Variants in PNPLA2 observed in about 807,000 individuals in gnomAD.
PNPLA2 encodes patatin-like phospholipase domain-containing protein 2.
A neutral mutation model predicts 39.7 loss-of-function variants in PNPLA2; 28 were observed. The ratio of observed to expected loss-of-function variants is 0.70; its 90% confidence interval spans 0.52 to 0.97. PNPLA2 has a LOEUF of 0.97. PNPLA2 is among the 50% of genes least tolerant of loss of function. The pLI, the probability that PNPLA2 is intolerant of heterozygous loss-of-function variation, is 0.00. For missense variants in PNPLA2, 768 were observed against 698.2 expected (o/e 1.10, Z -1.13); for synonymous variants, 392 against 321.1 (o/e 1.22, Z -2.36).
At chr11:820,512 G>T (rs950203271) in intron 2 of PNPLA2, among the ~76,000 whole-genome samples, 1 of 152,222 alleles carries the variant, frequency 6.6e-6, no homozygotes, top group African/African-American at 2.4e-5. Context: ...GGGTGAGGGT[G>T]CTTCTGGGCT....
chr11:824,743 G>C lies in PNPLA2; in HGVS notation c.1396G>C (p.Asp466His), dbSNP rs1166778655. The C allele has an allele frequency of 1.3e-6, 2 of 1,575,480 alleles. No homozygotes were observed. The highest frequency in any genetic ancestry group is 1.7e-6 in the Non-Finnish European group (2 of 1,168,476). Residue 466 changes from aspartate (D) to histidine (H), a missense_variant, in exon 10 of 10, where the codon GAC (aspartate) becomes CAC (histidine). By Grantham distance (81) the Asp-to-His change is moderately conservative. Coordinates refer to ENST00000336615, the MANE Select transcript of PNPLA2 (RefSeq NM_020376.4). ...PEALRMRAPA[D>H]PAPAPADPAS... Reference sequence around the variant, plus strand: ...AGCTCTGCGCATGCGCGCACCCGCCGACCCGGCTCCCGCCCCCGCGGACCC... The same window carrying C: ...AGCTCTGCGCATGCGCGCACCCGCCCACCCGGCTCCCGCCCCCGCGGACCC...
In PNPLA2 at chr11:819,574, C is replaced by T. The variant is rs1024797114; in HGVS notation, c.-145C>T. On this transcript the variant is annotated splice_region_variant and 5_prime_UTR_variant, in exon 2 of 10. Transcript: ENST00000336615. ...CGCCGCCTCCGCGCCGCCCGCGTAGCTTCTTCGCCTCCGCCAGCGGGGACC... is the reference window on the plus strand; with the variant it reads ...CGCCGCCTCCGCGCCGCCCGCGTAGTTTCTTCGCCTCCGCCAGCGGGGACC... 1.0e-5 allele frequency: 13 copies of T among 1,284,882 alleles called. No homozygotes were observed. The highest frequency in any genetic ancestry group is 1.1e-5 in the Non-Finnish European group (11 of 1,010,314). 79.6% of individuals were successfully genotyped at this position (1,284,882 alleles called of 1,614,324 possible).
intron 2 of PNPLA2, among the ~76,000 whole-genome samples, chr11:820,346 C>T (rs1227603523): frequency 6.6e-6 from 1 of 152,190 alleles, no homozygotes; most frequent in African/African-American, 2.4e-5. Context: ...TCTTGAGAGG[C>T]GTCTGGGAAC....
At chr11:823,293 G>C (rs992124016) in intron 5 of PNPLA2, among the ~76,000 whole-genome samples, 3 of 152,102 alleles carry the variant, frequency 2.0e-5, no homozygotes, top group African/African-American at 4.8e-5. Context: ...TCCTGACCTC[G>C]TCATCCGCCT....
chr11:824,597 A>G lies in PNPLA2; in HGVS notation c.1250A>G (p.Glu417Gly), dbSNP rs1461653996. The G allele has an allele frequency of 6.3e-7, 1 of 1,588,938 alleles. No homozygotes were observed. The highest frequency in any genetic ancestry group is 8.5e-7 in the Non-Finnish European group (1 of 1,172,620). Residue 417 changes from glutamate to glycine, a missense_variant, in exon 10 of 10, where the codon GAG becomes GGG. Glu to Gly is a moderately conservative substitution (Grantham distance 98). Transcript: ENST00000336615. ...SVPLSCAAYR[E>G]ALPGWMRNNL... ...CCGCTGTCCTGCGCCGCCTACAGAGAGGCACTGCCCGGCTGGATGCGCAAC... is the reference window on the plus strand; with the variant it reads ...CCGCTGTCCTGCGCCGCCTACAGAGGGGCACTGCCCGGCTGGATGCGCAAC...
intron 4 of PNPLA2, 78 bp downstream of exon 4, chr11:822,101 C>T: frequency 6.9e-6 from 9 of 1,312,866 alleles, no homozygotes; most frequent in Non-Finnish European, 9.9e-6. Flanking sequence ...CGCCTAGAGC[C>T]ATCCTTCAGG....
chr11:824,851 C>T lies in PNPLA2; in HGVS notation c.1504C>T (p.Leu502=), dbSNP rs1237334830. The T allele has an allele frequency of 1.6e-5, 24 of 1,534,588 alleles. No homozygotes were observed. Among genetic ancestry groups the T allele is most frequent in the Non-Finnish European group, 2.1e-5 (24 of 1,146,028 alleles). ...APEARPVIGA[L]GL is the part of the protein sequence containing the mutation. ...CGAGGCCCGGCCCGTGATCGGGGCC[C>T]TGGGGCTGTGAGACCCCGACCCTCT... Residue 502 remains leucine, a synonymous_variant, in exon 10 of 10, where the codon CTG becomes TTG. Coordinates refer to ENST00000336615, the MANE Select transcript of PNPLA2 (RefSeq NM_020376.4).
At chr11:823,660 A>T in intron 6 of PNPLA2, 34 bp from the exon 7 acceptor site, 1 of 1,603,726 alleles carries the variant, frequency 6.2e-7, no homozygotes, top group Non-Finnish European at 8.5e-7. Context: ...GGCCGCGCTG[A>T]TGAACTGAGA....
Position 824,062 on chromosome 11 carries a change from G to A in PNPLA2, c.984G>A (p.Val328=), listed in dbSNP as rs927598239. The stretch of plus-strand genomic sequence containing the variant: ...CCACCCTCTCCAACATGCTGCCTGT[G>A]CGTCTGGCCACGGCCATGATGGTGC... ...LLTTLSNMLP[V]RLATAMMVPY... is the part of the protein sequence containing the mutation. Residue 328 remains valine, a synonymous_variant, in exon 8 of 10, where the codon GTG becomes GTA. Transcript: ENST00000336615. The A allele has an allele frequency of 3.1e-6, 5 of 1,609,892 alleles. No individual in the cohort carries two copies. Among genetic ancestry groups the A allele is most frequent in the Admixed American group, 1.7e-5 (1 of 59,784 alleles).
rs768529229 is a variant in PNPLA2 at position 822,020 on chromosome 11, G to C, written c.483G>C (p.Gly161=). 13 of 1,613,436 alleles carry C rather than the reference G, an allele frequency of 8.1e-6. No homozygotes were observed. The highest frequency in any genetic ancestry group is 1.1e-5 in the South Asian group (1 of 91,088). Residue 161 remains glycine, a synonymous_variant, in exon 4 of 10, where the codon GGG becomes GGC. Coordinates refer to ENST00000336615, the MANE Select transcript of PNPLA2 (RefSeq NM_020376.4). The part of the protein sequence containing the change: ...YCGLIPPSLQ[G]VRYVDGGISD... ...GGCTCATCCCTCCCTCCCTCCAGGG[G>C]GTGGTGAGTATTCCTAGCCCTGGAC...
rs1328803992 is a variant in PNPLA2, at chr11:819,797, T to A, written c.79T>A (p.Ser27Thr). 1 of 1,509,760 alleles carries A rather than the reference T, an allele frequency of 6.6e-7. No individual in the cohort carries two copies. The highest frequency in any genetic ancestry group is 2.1e-5 in the Admixed American group (1 of 47,776). 93.5% of individuals were successfully genotyped at this position (1,509,760 alleles called of 1,614,324 possible). ...FLGVYYVGVA[S>T]CLREHAPFLV... ...CGGCGTCTACTACGTCGGCGTGGCC[T>A]CCTGCCTCCGCGAGCACGCGCCCTT... The change falls in exon 2 of 10, where the codon TCC becomes ACC. Residue 27 changes from serine (S) to threonine (T), a missense_variant. Physicochemically the swap from Ser to Thr is moderately conservative, Grantham distance 58. Transcript: ENST00000336615.
At position 821,686 on chromosome 11, in the gene PNPLA2, C is replaced by A. The variant is rs200701730; in HGVS notation, c.246C>A (p.Gly82=). 2,233 of 1,613,860 alleles carry A rather than the reference C, an allele frequency of 1.4e-3. 47 individuals are homozygous for A. In the South Asian group the frequency reaches 0.023, roughly 17 times the overall value. The change falls in exon 3 of 10, where the codon GGC becomes GGA. Residue 82 remains glycine (G), a synonymous_variant. Coordinates refer to ENST00000336615, the MANE Select transcript of PNPLA2 (RefSeq NM_020376.4). ...VSKEARKRFL[G]PLHPSFNLVK... ...AAGAGGCCCGGAAGCGGTTCCTGGG[C>A]CCCCTGCACCCCTCCTTCAACCTGG... is the stretch of plus-strand genomic sequence containing the variant.
rs1845794369 is a variant in PNPLA2 at position 824,359 on chromosome 11, G to GC, written c.1098_1099insC (p.Lys367GlnfsTer185). The GC allele has an allele frequency of 6.4e-7, 1 of 1,551,186 alleles. No individual in the cohort carries two copies. The highest frequency in any genetic ancestry group is 1.4e-5 in the African/African-American group (1 of 73,182). On this transcript the variant is annotated frameshift_variant, in exon 9 of 10. Coordinates refer to ENST00000336615, the MANE Select transcript of PNPLA2 (RefSeq NM_020376.4). LOFTEE classifies it high-confidence loss of function. ...ACGTTCCCGAGGACATCCGGTGGAT[G>GC]AAGGAGCAGACGGGCAGCATCTGCC...
Position 824,064 on chromosome 11 carries a change from G to A in PNPLA2, c.986G>A (p.Arg329His). The part of the protein sequence containing the change: ...LTTLSNMLPV[R>H]LATAMMVPYT... ...ACCCTCTCCAACATGCTGCCTGTGC[G>A]TCTGGCCACGGCCATGATGGTGCCC... Residue 329 changes from arginine to histidine, a missense_variant, in exon 8 of 10, where the codon CGT becomes CAT. Arg to His is a conservative substitution (Grantham distance 29, BLOSUM62 0). Transcript: ENST00000336615. The A allele has an allele frequency of 1.9e-6, 3 of 1,609,178 alleles. No homozygotes were observed. Among genetic ancestry groups the A allele is most frequent in the Admixed American group, 1.7e-5 (1 of 59,712 alleles).
chr11:825,339 G>T lies in PNPLA2; in HGVS notation c.*477G>T. On this transcript the variant is annotated 3_prime_UTR_variant, in exon 10 of 10. Transcript: ENST00000336615. ...ACAGCTGCAGGCCAGGTCTCCCAGCGTCGCACTCCTGGGCCTGGCATTTGG... is the reference window on the plus strand; with the variant it reads ...ACAGCTGCAGGCCAGGTCTCCCAGCTTCGCACTCCTGGGCCTGGCATTTGG... The T allele has an allele frequency of 4.2e-6, 1 of 238,522 alleles. No individual in the cohort carries two copies. 14.8% of individuals were successfully genotyped at this position (238,522 alleles called of 1,614,324 possible). A position where few individuals can be genotyped will look rare whatever the true frequency, so the allele number is the denominator to read the frequency against.
chr11:823,632 C>G, intron 6 of PNPLA2, 45 bp downstream of exon 6: 1 of 1,601,854 alleles, frequency 6.2e-7, no homozygotes, highest in African/African-American at 1.3e-5. Context: ...CTCGGCTCTG[C>G]TACCCCCTGC....
rs367963691 is a variant in PNPLA2, at chr11:824,143, G to C, written c.1052+13G>C. Reference sequence around the variant, plus strand: ...CCTTCACCATCCGGTGTGAGGGCTGGGGGGTCGGGAGAGGGGCCCAGGGGA... The same window carrying C: ...CCTTCACCATCCGGTGTGAGGGCTGCGGGGTCGGGAGAGGGGCCCAGGGGA... On this transcript the variant is annotated intron_variant, in intron 8 of 9. Transcript: ENST00000336615. The C allele has an allele frequency of 1.3e-6, 2 of 1,587,968 alleles. No individual in the cohort carries two copies. Among genetic ancestry groups the C allele is most frequent in the Non-Finnish European group, 1.7e-6 (2 of 1,168,450 alleles).
In PNPLA2 at chr11:823,593, CG is replaced by C; in HGVS notation, c.757+8del. The C allele has an allele frequency of 1.3e-6, 2 of 1,579,990 alleles. No individual in the cohort carries two copies. Among genetic ancestry groups the C allele is most frequent in the Admixed American group, 3.4e-5 (2 of 59,398 alleles). ...GCGCTTTCTGCAGCGGAACGGTGCGCGGACCCGGGCGGGAGAGGGCGGGGTG... is the reference window on the plus strand; with the variant it reads ...GCGCTTTCTGCAGCGGAACGGTGCGCGACCCGGGCGGGAGAGGGCGGGGTG... On this transcript the variant is annotated splice_region_variant and intron_variant, in intron 6 of 9. Coordinates refer to ENST00000336615, the MANE Select transcript of PNPLA2 (RefSeq NM_020376.4).
At chr11:820,267 G>A (rs1389124435) in intron 2 of PNPLA2, among the ~76,000 whole-genome samples, 1 of 152,234 alleles carries the variant, frequency 6.6e-6, no homozygotes. Flanking sequence ...CGGTGCCAGC[G>A]ATCGGTCACA....
Sources: allele counts gnomAD v4.1 joint callset (sites outside exome capture counted in the v4.1 genomes callset), GRCh38; gene constraint gnomAD v4.1.1; transcripts MANE v1.5; gene names NCBI Gene and HGNC (gene_info 2026-07-23, HGNC 2026-07-21).